The following COL5A1 variants were observed in gnomAD, a reference collection of about 807,000 sequenced individuals.
COL5A1 encodes the protein collagen alpha-1(V) chain.
COL5A1 carries 16 observed loss-of-function variants against 263.7 expected under a neutral mutation model. That is an observed-to-expected ratio of 0.06 (90% CI 0.04 to 0.09). COL5A1 has a LOEUF of 0.09. Ranked by LOEUF, COL5A1 falls within the 10% of genes least tolerant of loss-of-function variation. COL5A1 has a pLI of 1.00. For missense variants in COL5A1, 2,036 were observed against 2,540.5 expected, an observed-to-expected ratio of 0.80 and a Z score of 4.27; for synonymous variants, 1,012 against 1,004.5, an observed-to-expected ratio of 1.01 and a Z score of -0.14.
intron 8 of COL5A1, 118 bp downstream of exon 8, chr9:134,731,781 C>A: frequency 8.7e-7 from 1 of 1,155,646 alleles, no homozygotes; most frequent in Non-Finnish European, 1.2e-6. Flanking sequence ...AAGTGTTACA[C>A]CCTATTCCCA....
chr9:134,795,324 T>C lies in COL5A1; in HGVS notation c.2799+9T>C. 1.2e-6 allele frequency: 2 copies of C among 1,613,554 alleles called. No homozygotes were observed. The highest frequency in any genetic ancestry group is 1.7e-6 in the Non-Finnish European group (2 of 1,179,922). On this transcript the variant is annotated intron_variant, in intron 34 of 65. Transcript: ENST00000371817. ...GGAAGCCTGGCCCCAAGGTATGTTTTTGGCCTCCTGGGCGGTGGGCGGCGT... is the reference window on the plus strand; with the variant it reads ...GGAAGCCTGGCCCCAAGGTATGTTTCTGGCCTCCTGGGCGGTGGGCGGCGT...
chr9:134,749,469 C>T (rs1443247606), intron 11 of COL5A1, among the ~76,000 whole-genome samples: 2 of 152,216 alleles, frequency 1.3e-5, no homozygotes, highest in African/African-American at 4.8e-5. Flanking sequence ...CCAGTAAAGA[C>T]AAGGCAGGCA....
intron 4 of COL5A1, among the ~76,000 whole-genome samples, chr9:134,713,216 A>C (rs542482497): frequency 6.6e-6 from 1 of 152,372 alleles, no homozygotes; most frequent in East Asian, 1.9e-4. Context: ...TCTTCTTAGC[A>C]GGATGCCTGA....
intron 11 of COL5A1, among the ~76,000 whole-genome samples, chr9:134,749,966 G>A (rs1353261028): frequency 2.6e-5 from 4 of 152,218 alleles, no homozygotes; most frequent in Admixed American, 1.3e-4. Flanking sequence ...GCACTGTGTC[G>A]TTTACATATA....
chr9:134,815,707 C>T (rs1243617918), intron 51 of COL5A1, 78 bp downstream of exon 51: 12 of 1,505,972 alleles, frequency 8.0e-6, no homozygotes, highest in South Asian at 1.2e-5. Flanking sequence ...TCCCCTCTTT[C>T]TGGTGGTTCT....
Position 134,741,330 on chromosome 9 carries a change from A to T in COL5A1, c.1494+2522A>T, listed in dbSNP as rs891073795. ...TCTTCTATGCACGGGGGCTTCGCAG[A>T]CAAGAAGTAAAAACCAAAAAAAGTG... On this transcript the variant is annotated intron_variant, in intron 11 of 65. Transcript: ENST00000371817. This position sits in a 1 kb window ranked among gnomAD's most constrained non-coding sequence, Gnocchi z 4.5. Among the ~76,000 whole-genome samples, 3 of 152,214 alleles carry T rather than the reference A, an allele frequency of 2.0e-5. No homozygotes were observed. Among genetic ancestry groups the T allele is most frequent in the East Asian group, 1.9e-4 (1 of 5,198 alleles).
chr9:134,786,282 C>G (rs1021634312), intron 31 of COL5A1, among the ~76,000 whole-genome samples: 2 of 152,186 alleles, frequency 1.3e-5, no homozygotes, highest in Non-Finnish European at 2.9e-5. Context: ...GATGCTCCAC[C>G]GGCCGTCTCC....
In COL5A1 at chr9:134,741,359, G is replaced by A. The variant is rs1415166013; in HGVS notation, c.1494+2551G>A. Reference sequence around the variant, plus strand: ...GAAGTAAAAACCAAAAAAAGTGCTTGGGTTCGGGAGCATATATACCATTTT... The same window carrying A: ...GAAGTAAAAACCAAAAAAAGTGCTTAGGTTCGGGAGCATATATACCATTTT... On this transcript the variant is annotated intron_variant, in intron 11 of 65. Coordinates refer to ENST00000371817, the MANE Select transcript of COL5A1 (RefSeq NM_000093.5). This position sits in a 1 kb window ranked among gnomAD's most constrained non-coding sequence, Gnocchi z 4.5. Among the ~76,000 whole-genome samples the A allele has an allele frequency of 6.6e-6, 1 of 152,210 alleles. No individual in the cohort carries two copies. Among genetic ancestry groups the A allele is most frequent in the East Asian group, 1.9e-4 (1 of 5,194 alleles).
chr9:134,725,035 C>A (rs1435352508), intron 4 of COL5A1, among the ~76,000 whole-genome samples: 2 of 152,200 alleles, frequency 1.3e-5, no homozygotes, highest in Non-Finnish European at 2.9e-5. Context: ...AAGATGAGCT[C>A]CAGACCCAGA....
chr9:134,725,460 G>A (rs1474063699), intron 4 of COL5A1, among the ~76,000 whole-genome samples: 1 of 152,122 alleles, frequency 6.6e-6, no homozygotes, highest in Non-Finnish European at 1.5e-5. Flanking sequence ...ATCTGATTAT[G>A]GTCAAAAGAT....
intron 43 of COL5A1, among the ~76,000 whole-genome samples, chr9:134,809,835 G>A (rs1219298995): frequency 6.6e-6 from 1 of 152,162 alleles, no homozygotes; most frequent in Non-Finnish European, 1.5e-5. Flanking sequence ...TTCTGACTTT[G>A]TCACCTCTGC....
chr9:134,790,848 G>A (rs1173982622), intron 32 of COL5A1, among the ~76,000 whole-genome samples: 1 of 151,782 alleles, frequency 6.6e-6, no homozygotes, highest in African/African-American at 2.4e-5. Flanking sequence ...TCCTGTGCTG[G>A]GGGACCTTTC....
intron 4 of COL5A1, 30 bp downstream of exon 4, chr9:134,701,363 C>A (rs1204174776): frequency 6.2e-7 from 1 of 1,606,522 alleles, no homozygotes; most frequent in Admixed American, 1.7e-5. Context: ...AACCCCTGTG[C>A]CCACCAGGGC....
chr9:134,702,034 G>A (rs1833692472), intron 4 of COL5A1, among the ~76,000 whole-genome samples: 2 of 152,162 alleles, frequency 1.3e-5, no homozygotes, highest in Non-Finnish European at 2.9e-5. Context: ...GGGTGGGGGC[G>A]TTGGAGTCAC....
intron 1 of COL5A1, among the ~76,000 whole-genome samples, chr9:134,645,933 C>G (rs1831461687): frequency 6.6e-6 from 1 of 152,150 alleles, no homozygotes; most frequent in African/African-American, 2.4e-5. Context: ...CTTTCTTTCT[C>G]CTTCCCCCTC....
chr9:134,764,129 TG>T (rs1564444100), intron 20 of COL5A1, among the ~76,000 whole-genome samples: 1 of 16,470 alleles, frequency 6.1e-5, no homozygotes, highest in Non-Finnish European at 1.1e-4. Flanking sequence ...GGCATGGGGG[TG>T]GGGGGTACAG....
Position 134,832,533 on chromosome 9 carries a change from C to T in COL5A1, c.5137-2438C>T, listed in dbSNP as rs367775451. ...GGAGAGCAGGGCCTCACTGTGGGACCCTGGGGTTCCAATGCAGGGCAGCGT... is the reference window on the plus strand; with the variant it reads ...GGAGAGCAGGGCCTCACTGTGGGACTCTGGGGTTCCAATGCAGGGCAGCGT... On this transcript the variant is annotated intron_variant, in intron 64 of 65. Coordinates refer to ENST00000371817, the MANE Select transcript of COL5A1 (RefSeq NM_000093.5). Among the ~76,000 whole-genome samples, 44 of 152,302 alleles carry T rather than the reference C, an allele frequency of 2.9e-4. No homozygotes were observed. The East Asian group carries it at 5.8e-3, about 20-fold the overall frequency.
At chr9:134,796,003 TGAGA>T (rs1837893254) in intron 34 of COL5A1, among the ~76,000 whole-genome samples, 2 of 152,220 alleles carry the variant, frequency 1.3e-5, no homozygotes, top group East Asian at 3.9e-4. Flanking sequence ...GGCTCACCTA[TGAGA>T]ACTCAGAGCA....
rs34491867 is a variant in COL5A1, at chr9:134,662,142, CAAAAAAA to C, written c.109+19861_109+19867del. On this transcript the variant is annotated intron_variant, in intron 1 of 65. Transcript: ENST00000371817. ...TGTGATGCCTGGTCAATATCTTGGC[CAAAAAAA>C]AAAAAAAAAAAAAATTCCTCTGAAG... Among the ~76,000 whole-genome samples, 331 of 121,242 alleles carry C rather than the reference CAAAAAAA, an allele frequency of 2.7e-3. 1 individual carries two copies. Among genetic ancestry groups the C allele is most frequent in the African/African-American group, 9.1e-3 (292 of 32,068 alleles). 79.5% of individuals were successfully genotyped at this position (121,242 alleles called of 152,430 possible).
Sources: allele counts gnomAD v4.1 joint callset (sites outside exome capture counted in the v4.1 genomes callset), GRCh38; gene constraint gnomAD v4.1.1; non-coding constraint Gnocchi (gnomAD v3.1); transcripts MANE v1.5; gene names NCBI Gene and HGNC (gene_info 2026-07-23, HGNC 2026-07-21).